The following CTNNAL1 variants were observed in gnomAD, a reference collection of about 807,000 sequenced individuals.
CTNNAL1 encodes the protein alpha-catulin.
A neutral mutation model predicts 93.6 loss-of-function variants in CTNNAL1; 69 were observed. That is an observed-to-expected ratio of 0.74 (90% CI 0.61 to 0.90). CTNNAL1 has a LOEUF of 0.90. Ranked by LOEUF, CTNNAL1 falls within the 40% of genes least tolerant of loss-of-function variation. The probability of loss-of-function intolerance (pLI) is 0.00; values close to 1 mark genes in which losing one functional copy is unlikely to be tolerated. For missense variants in CTNNAL1, 836 were observed against 862.0 expected (o/e 0.97, Z 0.38); for synonymous variants, 286 against 305.4 (o/e 0.94, Z 0.66).
chr9:108,947,149 T>C (rs1051193316), intron 15 of CTNNAL1, among the ~76,000 whole-genome samples: 8 of 149,448 alleles, frequency 5.4e-5, no homozygotes, highest in African/African-American at 2.0e-4. Flanking sequence ...AGTCTTGCTC[T>C]GTCACCCAGA....
intron 1 of CTNNAL1, among the ~76,000 whole-genome samples, chr9:109,011,256 G>A (rs1827193771): frequency 6.6e-6 from 1 of 152,044 alleles, no homozygotes; most frequent in Non-Finnish European, 1.5e-5. Context: ...GTTAAGGACA[G>A]TCAATTATGA....
At chr9:108,973,633 A>T (rs1587963509) in intron 8 of CTNNAL1, among the ~76,000 whole-genome samples, 1 of 147,698 alleles carries the variant, frequency 6.8e-6, no homozygotes, top group Admixed American at 6.8e-5. Flanking sequence ...CTCTTACTGG[A>T]TATCTTTGGA....
At chr9:108,988,296 C>T (rs1295439304) in intron 4 of CTNNAL1, among the ~76,000 whole-genome samples, 1 of 152,094 alleles carries the variant, frequency 6.6e-6, no homozygotes, top group Non-Finnish European at 1.5e-5. Context: ...GTTGGCCAGG[C>T]TGGTCTCAAA....
At chr9:108,998,999 A>G (rs1587987971) in intron 2 of CTNNAL1, 68 bp downstream of exon 2, 16 of 1,488,486 alleles carry the variant, frequency 1.1e-5, no homozygotes, top group Non-Finnish European at 1.4e-5. Flanking sequence ...AAATAAATCA[A>G]TAATTTTTCA....
intron 7 of CTNNAL1, 42 bp downstream of exon 7, chr9:108,979,239 C>T (rs1564136166): frequency 6.2e-7 from 1 of 1,608,618 alleles, no homozygotes; most frequent in Non-Finnish European, 8.5e-7. Flanking sequence ...TATGGGAAAG[C>T]CATTATATAA....
intron 11 of CTNNAL1, among the ~76,000 whole-genome samples, chr9:108,963,026 T>C (rs958717810): frequency 6.6e-6 from 1 of 152,174 alleles, no homozygotes; most frequent in African/African-American, 2.4e-5. Context: ...GACCCCTTGA[T>C]GGAAAATGCA....
chr9:108,966,010 T>C (rs1830942051), intron 10 of CTNNAL1, among the ~76,000 whole-genome samples: 1 of 152,318 alleles, frequency 6.6e-6, no homozygotes, highest in East Asian at 1.9e-4. Context: ...TGTTTGGTGT[T>C]TGAGATACAT....
At chr9:108,976,362 T>C (rs1831264909) in intron 8 of CTNNAL1, among the ~76,000 whole-genome samples, 1 of 152,196 alleles carries the variant, frequency 6.6e-6, no homozygotes, top group South Asian at 2.1e-4. Context: ...CTGAATAGTA[T>C]TTGGTAGAAT....
intron 2 of CTNNAL1, among the ~76,000 whole-genome samples, chr9:108,994,419 A>G (rs1225418854): frequency 6.6e-6 from 1 of 152,202 alleles, no homozygotes; most frequent in Non-Finnish European, 1.5e-5. Context: ...TACCTGACCA[A>G]TGATAAGAAG....
At chr9:108,954,146 C>G (rs761479619) in intron 12 of CTNNAL1, among the ~76,000 whole-genome samples, 18 of 152,068 alleles carry the variant, frequency 1.2e-4, no homozygotes, top group Non-Finnish European at 2.1e-4. Flanking sequence ...AATAAACCAT[C>G]TTAATAATGT....
intron 11 of CTNNAL1, 35 bp from the exon 12 acceptor site, chr9:108,955,862 C>T: frequency 6.5e-6 from 9 of 1,375,152 alleles, no homozygotes; most frequent in Non-Finnish European, 7.9e-6. Flanking sequence ...AAAATTTTTT[C>T]TATTAATATA....
intron 10 of CTNNAL1, among the ~76,000 whole-genome samples, chr9:108,967,565 A>G (rs1481293410): frequency 6.6e-6 from 1 of 152,220 alleles, no homozygotes; most frequent in Non-Finnish European, 1.5e-5. Flanking sequence ...TAAATTATAA[A>G]ATATTTTAGA....
At chr9:108,945,272 A>G (rs925694353) in intron 15 of CTNNAL1, among the ~76,000 whole-genome samples, 1 of 152,128 alleles carries the variant, frequency 6.6e-6, no homozygotes, top group African/African-American at 2.4e-5. Context: ...ACAGTGTAGT[A>G]TTTGCATATA....
At chr9:108,996,651 T>C (rs1348601554) in intron 2 of CTNNAL1, among the ~76,000 whole-genome samples, 1 of 152,206 alleles carries the variant, frequency 6.6e-6, no homozygotes, top group Non-Finnish European at 1.5e-5. Flanking sequence ...CAGGTTGTCC[T>C]TTTGTTTAAA....
At chr9:108,979,571 A>G in intron 6 of CTNNAL1, 90 bp from the exon 7 acceptor site, 2 of 1,190,098 alleles carry the variant, frequency 1.7e-6, no homozygotes, top group South Asian at 1.4e-5. Context: ...TGCCCAGGAA[A>G]ACACTAGCAT....
rs966871208 is a variant in CTNNAL1 at position 108,977,068 on chromosome 9, T to A, written c.1102-20A>T. 2 of 1,221,196 alleles carry A rather than the reference T, an allele frequency of 1.6e-6. No homozygotes were observed. The highest frequency in any genetic ancestry group is 2.7e-5 in the East Asian group (1 of 37,216). 75.6% of individuals were successfully genotyped at this position (1,221,196 alleles called of 1,614,324 possible). A position where few individuals can be genotyped will look rare whatever the true frequency, so the allele number is the denominator to read the frequency against. On this transcript the variant is annotated intron_variant, in intron 7 of 18. Transcript: ENST00000325551. ...GCTTTGCTAAAAATTTTAAAAAGTA[T>A]ACATGTAATGTTACCGCATCTCTTT... is the stretch of plus-strand genomic sequence containing the variant.
chr9:108,960,853 G>C (rs187328872), intron 11 of CTNNAL1, among the ~76,000 whole-genome samples: 1 of 152,188 alleles, frequency 6.6e-6, no homozygotes, highest in Non-Finnish European at 1.5e-5. Context: ...TGGAGGTTTG[G>C]GTGAGAAGGC....
chr9:108,984,529 T>C, intron 4 of CTNNAL1, 93 bp from the exon 5 acceptor site: 1 of 604,774 alleles, frequency 1.7e-6, no homozygotes, highest in Non-Finnish European at 2.9e-6. Flanking sequence ...TACTCAAGAA[T>C]TCACTAACAT....
At chr9:109,001,006 CAA>C (rs72260036) in intron 1 of CTNNAL1, among the ~76,000 whole-genome samples, 31,606 of 126,912 alleles carry the variant, frequency 0.25, 4,175 homozygotes, top group Admixed American at 0.33. Flanking sequence ...ACTAAAAATA[CAA>C]AAAAAAAAAA....
Sources: allele counts gnomAD v4.1 joint callset (sites outside exome capture counted in the v4.1 genomes callset), GRCh38; gene constraint gnomAD v4.1.1; transcripts MANE v1.5; gene names NCBI Gene and HGNC (gene_info 2026-07-23, HGNC 2026-07-21).